FRMD5: variants seen among roughly 807,000 people sequenced by gnomAD.
FRMD5 encodes the protein FERM domain-containing protein 5.
A neutral mutation model predicts 69.0 loss-of-function variants in FRMD5; 20 were observed. That is an observed-to-expected ratio of 0.29 (90% CI 0.20 to 0.42). The LOEUF (loss-of-function observed/expected upper bound fraction) is 0.42. FRMD5 is among the 10% of genes least tolerant of loss of function. The pLI is 1.00. For missense variants in FRMD5, 595 were observed against 708.6 expected, an observed-to-expected ratio of 0.84 and a Z score of 1.82; for synonymous variants, 271 against 260.1, an observed-to-expected ratio of 1.04 and a Z score of -0.40.
chr15:44,062,360 C>T (rs187565762), intron 1 of FRMD5, among the ~76,000 whole-genome samples: 5 of 152,204 alleles, frequency 3.3e-5, no homozygotes, highest in African/African-American at 1.2e-4. Context: ...CTAGAAGACA[C>T]GGTCTTTCTG....
intron 1 of FRMD5, among the ~76,000 whole-genome samples, chr15:44,010,166 T>C (rs972618669): frequency 6.6e-6 from 1 of 152,266 alleles, no homozygotes; most frequent in Non-Finnish European, 1.5e-5. Flanking sequence ...GCATCTATTC[T>C]GCTGAGGGAA....
At chr15:43,984,628 T>C (rs966752209) in intron 1 of FRMD5, among the ~76,000 whole-genome samples, 4 of 152,170 alleles carry the variant, frequency 2.6e-5, no homozygotes, top group African/African-American at 9.7e-5. Flanking sequence ...ACAGGAGAGT[T>C]TGAAAAAGAT....
At chr15:44,179,644 A>T (rs2077961145) in intron 1 of FRMD5, among the ~76,000 whole-genome samples, 1 of 152,232 alleles carries the variant, frequency 6.6e-6, no homozygotes, top group Non-Finnish European at 1.5e-5. Context: ...CACAGAGGGA[A>T]CACACACACA....
rs371250373 is a variant in FRMD5, at chr15:43,932,786, G to A, written c.103-8477C>T. Reference sequence around the variant, plus strand: ...GGCACTGCACAACAGGATATTGACAGATAAATGAGAGAGGGATGGGCAAGT... The same window carrying A: ...GGCACTGCACAACAGGATATTGACAAATAAATGAGAGAGGGATGGGCAAGT... On this transcript the variant is annotated intron_variant, in intron 1 of 13. Transcript: ENST00000417257. Among the ~76,000 whole-genome samples, 64 of 152,334 alleles carry A rather than the reference G, an allele frequency of 4.2e-4. 1 individual carries two copies. The highest frequency in any genetic ancestry group is 3.7e-3 in the East Asian group (19 of 5,180).
intron 1 of FRMD5, among the ~76,000 whole-genome samples, chr15:43,981,006 C>T (rs146998515): frequency 0.012 from 1,819 of 152,270 alleles, 22 homozygotes; most frequent in Non-Finnish European, 0.02. Flanking sequence ...TTAACACAGA[C>T]ACACAAACAC....
At chr15:44,043,973 T>A (rs1892319270) in intron 1 of FRMD5, among the ~76,000 whole-genome samples, 1 of 152,054 alleles carries the variant, frequency 6.6e-6, no homozygotes, top group Non-Finnish European at 1.5e-5. Flanking sequence ...GAAACTATCA[T>A]CAGAGTGAAC....
chr15:44,109,826 A>G (rs914273654), intron 1 of FRMD5, among the ~76,000 whole-genome samples: 2 of 152,158 alleles, frequency 1.3e-5, no homozygotes, highest in African/African-American at 2.4e-5. Flanking sequence ...CTTCTTTCCT[A>G]ACCCCTGGAA....
At chr15:44,088,250 C>G (rs1258659865) in intron 1 of FRMD5, among the ~76,000 whole-genome samples, 1 of 152,112 alleles carries the variant, frequency 6.6e-6, no homozygotes, top group Non-Finnish European at 1.5e-5. Context: ...AGTTTTAGAG[C>G]ATTTTCACCA....
At chr15:43,908,042 CTG>C (rs2089213049) in intron 5 of FRMD5, among the ~76,000 whole-genome samples, 1 of 152,138 alleles carries the variant, frequency 6.6e-6, no homozygotes, top group African/African-American at 2.4e-5. Flanking sequence ...TTGGGTAAAA[CTG>C]TAGAAAAGAC....
chr15:44,062,326 G>A (rs182245029), intron 1 of FRMD5, among the ~76,000 whole-genome samples: 1 of 152,266 alleles, frequency 6.6e-6, no homozygotes, highest in African/African-American at 2.4e-5. Flanking sequence ...GGGGACCACA[G>A]AGATGTTACT....
chr15:43,980,287 G>C (rs2090528572), intron 1 of FRMD5, among the ~76,000 whole-genome samples: 1 of 152,260 alleles, frequency 6.6e-6, no homozygotes, highest in Non-Finnish European at 1.5e-5. Context: ...ATAGGGGACT[G>C]TCCCACTCCT....
rs892784845 is a variant in FRMD5, at chr15:44,195,178, C to A, written c.-124G>T. 2 of 677,564 alleles carry A rather than the reference C, an allele frequency of 3.0e-6. No individual in the cohort carries two copies. Among genetic ancestry groups the A allele is most frequent in the East Asian group, 3.3e-5 (1 of 30,488 alleles). 42.0% of individuals were successfully genotyped at this position (677,564 alleles called of 1,614,324 possible). Reference sequence around the variant, plus strand: ...ACCATCACCCCGGCCCCGTCGCTGCCGTTGCCTCCTGCTGGCCTCGTTCCT... The same window carrying A: ...ACCATCACCCCGGCCCCGTCGCTGCAGTTGCCTCCTGCTGGCCTCGTTCCT... On this transcript the variant is annotated 5_prime_UTR_variant, in exon 1 of 14. Transcript: ENST00000417257.
At chr15:43,881,536 TCAGAGA>T (rs2088529629) in intron 13 of FRMD5, among the ~76,000 whole-genome samples, 1 of 152,204 alleles carries the variant, frequency 6.6e-6, no homozygotes, top group Non-Finnish European at 1.5e-5. Flanking sequence ...GGAACTAGGC[TCAGAGA>T]TAAAACAACC....
chr15:44,066,775 C>G (rs568653747), intron 1 of FRMD5, among the ~76,000 whole-genome samples: 2 of 151,972 alleles, frequency 1.3e-5, no homozygotes, highest in African/African-American at 4.8e-5. Context: ...GAGTTGGAGG[C>G]CACTGAGAGG....
At chr15:44,088,214 A>ATT (rs1382871259) in intron 1 of FRMD5, among the ~76,000 whole-genome samples, 2 of 152,092 alleles carry the variant, frequency 1.3e-5, no homozygotes, top group Non-Finnish European at 2.9e-5. Flanking sequence ...TAGTGTATTC[A>ATT]CAGTTATGCA....
chr15:44,146,312 C>T (rs1249386778), intron 1 of FRMD5, among the ~76,000 whole-genome samples: 1 of 152,094 alleles, frequency 6.6e-6, no homozygotes, highest in Non-Finnish European at 1.5e-5. Flanking sequence ...CATCCATGTC[C>T]CTGCAAAGGA....
At chr15:43,925,894 C>T (rs571755271) in intron 1 of FRMD5, among the ~76,000 whole-genome samples, 1 of 152,342 alleles carries the variant, frequency 6.6e-6, no homozygotes, top group South Asian at 2.1e-4. Context: ...TTCCCAGTTA[C>T]TTTCCATCTC....
chr15:43,880,506 C>G (rs893819125), intron 13 of FRMD5, among the ~76,000 whole-genome samples: 5 of 152,208 alleles, frequency 3.3e-5, no homozygotes, highest in African/African-American at 1.2e-4. Context: ...CTTCCACAGG[C>G]TTGGTAGCCC....
At chr15:43,879,566 G>A (rs2088465709) in intron 13 of FRMD5, 1 of 398,870 alleles carries the variant, frequency 2.5e-6, no homozygotes, top group Admixed American at 4.4e-5. Flanking sequence ...CCTGGAGCCG[G>A]GGCCCCATCC....
Sources: allele counts gnomAD v4.1 joint callset (sites outside exome capture counted in the v4.1 genomes callset), GRCh38; gene constraint gnomAD v4.1.1; transcripts MANE v1.5; gene names NCBI Gene and HGNC (gene_info 2026-07-23, HGNC 2026-07-21).